Variants in NXPE2 observed in about 807,000 individuals in gnomAD.
The protein encoded by NXPE2 is NXPE family member 2.
A neutral mutation model predicts 34.4 loss-of-function variants in NXPE2; 34 were observed. The observed-to-expected ratio is 0.99, with a 90% CI of 0.75 to 1.31. The LOEUF is 1.31. Among genes scored for constraint, NXPE2 ranks in the 40% most tolerant of loss-of-function variants. The pLI is 0.00. For missense variants in NXPE2, 649 were observed against 672.5 expected (o/e 0.97, Z 0.39); for synonymous variants, 235 against 231.3 (o/e 1.02, Z -0.15).
chr11:114,706,341 A>G, intron 5 of NXPE2, 54 bp from the exon 6 acceptor site: 1 of 1,395,730 alleles, frequency 7.2e-7, no homozygotes, highest in Non-Finnish European at 9.5e-7. Flanking sequence ...TGTGCAGTTT[A>G]AAGTTATATC....
chr11:114,623,608 G>A, the NXPE2 span, among the ~76,000 whole-genome samples: 1 of 152,026 alleles, frequency 6.6e-6, no homozygotes, highest in South Asian at 2.1e-4. Context: ...TTGCCTCATG[G>A]GTTACCCGTT....
the NXPE2 span, among the ~76,000 whole-genome samples, chr11:114,498,808 G>A: frequency 2.6e-4 from 39 of 152,140 alleles, no homozygotes; most frequent in African/African-American, 9.4e-4. Context: ...GGATTAGCAT[G>A]TTATTTATAT....
At chr11:114,497,830 C>T in the NXPE2 span, among the ~76,000 whole-genome samples, 4 of 152,182 alleles carry the variant, frequency 2.6e-5, no homozygotes, top group African/African-American at 9.7e-5. Context: ...TATTCTTTCA[C>T]ATGAACATTG....
chr11:114,624,920 T>A, the NXPE2 span, among the ~76,000 whole-genome samples: 1 of 152,132 alleles, frequency 6.6e-6, no homozygotes, highest in African/African-American at 2.4e-5. Flanking sequence ...TAACCACTGT[T>A]ACCTGGTGGA....
intron 2 of NXPE2, among the ~76,000 whole-genome samples, chr11:114,694,657 G>A (rs1392669515): frequency 6.6e-6 from 1 of 151,874 alleles, no homozygotes; most frequent in African/African-American, 2.4e-5. Context: ...TTTTAGTTTG[G>A]GAAGTTTCTG....
chr11:114,537,424 T>G, the NXPE2 span, among the ~76,000 whole-genome samples: 4 of 152,180 alleles, frequency 2.6e-5, no homozygotes, highest in Non-Finnish European at 4.4e-5. Context: ...TTGGAAGTTC[T>G]GGCCAAGAAA....
the NXPE2 span, among the ~76,000 whole-genome samples, chr11:114,507,879 G>A: frequency 6.6e-6 from 1 of 152,116 alleles, no homozygotes; most frequent in African/African-American, 2.4e-5. Flanking sequence ...CATAGTATTG[G>A]AAGTCCTGGC....
Position 114,704,803 on chromosome 11 carries a change from C to A in NXPE2, c.928+751C>A, listed in dbSNP as rs900347903. 2.0e-5 allele frequency among the ~76,000 whole-genome samples: 3 copies of A among 152,296 alleles called. No individual in the cohort carries two copies. In the South Asian group the frequency reaches 6.2e-4, roughly 32 times the overall value. On this transcript the variant is annotated intron_variant, in intron 4 of 5. Transcript: ENST00000389586. Reference sequence around the variant, plus strand: ...ATGAAGAAGACAGATCCCTTCTCTGCTAGGGCAACTATCATTCACACCCAA... The same window carrying A: ...ATGAAGAAGACAGATCCCTTCTCTGATAGGGCAACTATCATTCACACCCAA...
At chr11:114,759,304 T>C in the NXPE2 span, among the ~76,000 whole-genome samples, 1 of 152,194 alleles carries the variant, frequency 6.6e-6, no homozygotes, top group African/African-American at 2.4e-5. Flanking sequence ...GAAATCTGTC[T>C]CTACCACCTT....
intron 4 of NXPE2, 126 bp from the exon 5 acceptor site, chr11:114,705,655 A>G (rs1386802417): frequency 1.8e-6 from 1 of 543,082 alleles, no homozygotes; most frequent in Non-Finnish European, 3.2e-6. Flanking sequence ...GGAAGAGAGG[A>G]AGGCAAAATA....
chr11:114,655,458 G>A, the NXPE2 span, among the ~76,000 whole-genome samples: 1 of 152,104 alleles, frequency 6.6e-6, no homozygotes, highest in Non-Finnish European at 1.5e-5. Flanking sequence ...ATGGTTTGAG[G>A]TTTTACATTT....
intron 2 of NXPE2, among the ~76,000 whole-genome samples, chr11:114,683,398 G>C (rs11215148): frequency 0.011 from 1,605 of 149,748 alleles, 13 homozygotes; most frequent in Non-Finnish European, 0.017. Context: ...TCCTTACCTA[G>C]TATATAGTAA....
chr11:114,597,392 A>G, the NXPE2 span, among the ~76,000 whole-genome samples: 158 of 152,304 alleles, frequency 1.0e-3, no homozygotes, highest in African/African-American at 3.7e-3. Flanking sequence ...TCAGATAGAA[A>G]ATATTTTCGG....
chr11:114,686,049 T>C (rs1159789520), intron 2 of NXPE2, among the ~76,000 whole-genome samples: 2 of 152,156 alleles, frequency 1.3e-5, no homozygotes, highest in African/African-American at 4.8e-5. Context: ...TTGCAAGATG[T>C]TACCATTGAA....
chr11:114,601,354 A>G, the NXPE2 span, among the ~76,000 whole-genome samples: 3 of 146,956 alleles, frequency 2.0e-5, no homozygotes, highest in South Asian at 4.2e-4. Flanking sequence ...TTTGGTTTTC[A>G]TTCCTGAGTT....
the NXPE2 span, among the ~76,000 whole-genome samples, chr11:114,791,871 C>A: frequency 6.6e-6 from 1 of 152,028 alleles, no homozygotes; most frequent in African/African-American, 2.4e-5. Flanking sequence ...CTGGCTAACA[C>A]GGTGAAACCC....
the NXPE2 span, among the ~76,000 whole-genome samples, chr11:114,489,281 C>G: frequency 6.6e-6 from 1 of 152,080 alleles, no homozygotes; most frequent in African/African-American, 2.4e-5. Flanking sequence ...ACCAGAGGTA[C>G]AAAGAGGAGC....
At chr11:114,768,253 C>G in the NXPE2 span, among the ~76,000 whole-genome samples, 1 of 152,142 alleles carries the variant, frequency 6.6e-6, no homozygotes, top group Non-Finnish European at 1.5e-5. Context: ...GGCCTCTGTA[C>G]TGTTCCATTG....
chr11:114,601,743 A>C, the NXPE2 span, among the ~76,000 whole-genome samples: 1 of 71,002 alleles, frequency 1.4e-5, no homozygotes, highest in Non-Finnish European at 2.4e-5. Flanking sequence ...ATATATAATT[A>C]TAATATATAA....
Sources: allele counts gnomAD v4.1 joint callset (sites outside exome capture counted in the v4.1 genomes callset), GRCh38; gene constraint gnomAD v4.1.1; transcripts MANE v1.5; gene names NCBI Gene and HGNC (gene_info 2026-07-23, HGNC 2026-07-21).